The following TAFA1 variants were observed in gnomAD, a reference collection of about 807,000 sequenced individuals.
TAFA1 encodes chemokine-like protein TAFA-1.
TAFA1 carries 4 observed loss-of-function variants against 18.5 expected under a neutral mutation model. The observed-to-expected ratio is 0.22, with a 90% confidence interval of 0.11 to 0.49. The LOEUF is 0.49. TAFA1 is among the 20% of genes least tolerant of loss of function. The pLI, the probability that TAFA1 is intolerant of heterozygous loss-of-function variation, is 0.98. For synonymous variants in TAFA1, 56 were observed against 55.2 expected (o/e 1.01, Z -0.06); for missense variants, 147 against 169.0 (o/e 0.87, Z 0.72).
At chr3:68,025,612 A>G (rs1704797677) in intron 2 of TAFA1, among the ~76,000 whole-genome samples, 1 of 151,070 alleles carries the variant, frequency 6.6e-6, no homozygotes, top group Non-Finnish European at 1.5e-5. Flanking sequence ...CTCCTACTTC[A>G]CTCTTCTTTG....
intron 3 of TAFA1, among the ~76,000 whole-genome samples, chr3:68,477,811 A>G (rs886676551): frequency 6.6e-6 from 1 of 152,212 alleles, no homozygotes; most frequent in Non-Finnish European, 1.5e-5. Context: ...AGGTTCTACC[A>G]ATACTTGGTA....
At chr3:68,504,376 T>C (rs2106714325) in intron 3 of TAFA1, among the ~76,000 whole-genome samples, 1 of 152,266 alleles carries the variant, frequency 6.6e-6, no homozygotes, top group East Asian at 1.9e-4. Flanking sequence ...AGTATGCATT[T>C]GCCTGCAACG....
intron 2 of TAFA1, among the ~76,000 whole-genome samples, chr3:68,093,125 G>T (rs2065047216): frequency 2.6e-5 from 4 of 152,094 alleles, no homozygotes; most frequent in Admixed American, 2.6e-4. Flanking sequence ...AAGCTTTCGT[G>T]TACTCTCAGT....
chr3:68,439,021 A>G (rs951511730), intron 3 of TAFA1, among the ~76,000 whole-genome samples: 1 of 152,040 alleles, frequency 6.6e-6, no homozygotes, highest in African/African-American at 2.4e-5. Context: ...AAAGATCTAT[A>G]AAATGCCTTT....
intron 3 of TAFA1, among the ~76,000 whole-genome samples, chr3:68,526,665 T>C (rs1005076628): frequency 8.5e-5 from 13 of 152,164 alleles, no homozygotes; most frequent in African/African-American, 2.4e-4. Context: ...AATAGTACTC[T>C]CATAATGTAC....
intron 2 of TAFA1, among the ~76,000 whole-genome samples, chr3:68,042,181 C>T (rs1238877895): frequency 1.1e-4 from 16 of 152,108 alleles, no homozygotes; most frequent in Admixed American, 1.0e-3. Flanking sequence ...CATTACCTGC[C>T]TTGAGCCTGT....
intron 2 of TAFA1, among the ~76,000 whole-genome samples, chr3:68,200,727 C>G (rs2066460808): frequency 6.6e-6 from 1 of 151,334 alleles, no homozygotes; most frequent in Non-Finnish European, 1.5e-5. Context: ...AGTTTGTATC[C>G]ATTCTCTTTA....
chr3:68,211,144 G>A lies in TAFA1; in HGVS notation c.118+204400G>A, dbSNP rs567927647. ...GCTGTGTATTTTATGACCTAGCCTC[G>A]AAATCATGCACCATCATTTCTACAA... On this transcript the variant is annotated intron_variant, in intron 2 of 4. Transcript: ENST00000478136. Among the ~76,000 whole-genome samples, 8 of 152,062 alleles carry A rather than the reference G, an allele frequency of 5.3e-5. No individual in the cohort carries two copies. The South Asian group carries it at 1.0e-3, about 20-fold the overall frequency.
chr3:68,313,074 T>C (rs75495805), intron 2 of TAFA1, among the ~76,000 whole-genome samples: 72 of 152,188 alleles, frequency 4.7e-4, no homozygotes, highest in African/African-American at 1.7e-3. Context: ...GAGAAAAGAA[T>C]GGGAAAGACT....
At chr3:68,379,935 G>A (rs376791150) in intron 2 of TAFA1, among the ~76,000 whole-genome samples, 2 of 148,570 alleles carry the variant, frequency 1.3e-5, no homozygotes, top group East Asian at 2.0e-4. Context: ...CCCCACAACA[G>A]TCCCCAATGT....
At chr3:68,387,011 T>C (rs2070119108) in intron 2 of TAFA1, among the ~76,000 whole-genome samples, 2 of 152,100 alleles carry the variant, frequency 1.3e-5, no homozygotes, top group African/African-American at 4.8e-5. Context: ...GCTCAGAATT[T>C]TCTTTATAAA....
chr3:68,078,594 T>A (rs1273432977), intron 2 of TAFA1, among the ~76,000 whole-genome samples: 4 of 152,240 alleles, frequency 2.6e-5, no homozygotes, highest in Non-Finnish European at 5.9e-5. Context: ...TTTGGCTCTG[T>A]TTATATGCTG....
chr3:68,529,436 T>TAAAAAAAAAAAAAA (rs533214097), intron 3 of TAFA1, among the ~76,000 whole-genome samples: 2 of 77,050 alleles, frequency 2.6e-5, no homozygotes, highest in African/African-American at 9.1e-5. Flanking sequence ...CACCATTCTC[T>TAAAAAAAAAAAAAA]AAAAAAAAAA....
chr3:68,487,563 C>T (rs969849971), intron 3 of TAFA1, among the ~76,000 whole-genome samples: 4 of 151,570 alleles, frequency 2.6e-5, no homozygotes, highest in African/African-American at 4.9e-5. Context: ...CTGGCTAACA[C>T]GGTGAAACCC....
chr3:68,067,493 T>C (rs1233353159), intron 2 of TAFA1, among the ~76,000 whole-genome samples: 1 of 152,214 alleles, frequency 6.6e-6, no homozygotes, highest in East Asian at 1.9e-4. Context: ...TTATTGTGTT[T>C]ATTTAGTACA....
chr3:68,238,285 A>G (rs2066954953), intron 2 of TAFA1, among the ~76,000 whole-genome samples: 1 of 152,086 alleles, frequency 6.6e-6, no homozygotes. Flanking sequence ...CCCAGGAAGA[A>G]CCTTCCTCCC....
intron 2 of TAFA1, among the ~76,000 whole-genome samples, chr3:68,010,222 C>G (rs759858122): frequency 6.6e-6 from 1 of 152,186 alleles, no homozygotes; most frequent in Non-Finnish European, 1.5e-5. Context: ...CCCCCAATCC[C>G]CTCCCTCTGT....
At chr3:68,084,558 G>A (rs570657311) in intron 2 of TAFA1, among the ~76,000 whole-genome samples, 1 of 152,120 alleles carries the variant, frequency 6.6e-6, no homozygotes. Context: ...AGTAGTTTAG[G>A]AGGCTGAGGC....
At chr3:68,300,315 C>G (rs1302151387) in intron 2 of TAFA1, among the ~76,000 whole-genome samples, 1 of 152,130 alleles carries the variant, frequency 6.6e-6, no homozygotes, top group Non-Finnish European at 1.5e-5. Flanking sequence ...TAATGACTGC[C>G]CAGGTGTAAT....
Sources: allele counts gnomAD v4.1 joint callset (sites outside exome capture counted in the v4.1 genomes callset), GRCh38; gene constraint gnomAD v4.1.1; transcripts MANE v1.5; gene names NCBI Gene and HGNC (gene_info 2026-07-23, HGNC 2026-07-21).